DNAH14: variants seen among roughly 807,000 people sequenced by gnomAD.
The protein encoded by DNAH14 is axonemal beta dynein heavy chain 14.
In DNAH14, 478 loss-of-function variants were observed where a neutral mutation model predicts 520.9. The observed-to-expected ratio is 0.92, with a 90% CI of 0.85 to 0.99. The LOEUF is 0.99. DNAH14 is among the 50% of genes least tolerant of loss of function. The pLI is 0.00. For missense variants in DNAH14, 4,831 were observed against 5,234.5 expected (o/e 0.92, Z 2.38); for synonymous variants, 1,581 against 1,757.2 (o/e 0.90, Z 2.51).
At chr1:225,235,728 C>T (rs1022465845) in intron 42 of DNAH14, among the ~76,000 whole-genome samples, 1 of 151,974 alleles carries the variant, frequency 6.6e-6, no homozygotes, top group African/African-American at 2.4e-5. Flanking sequence ...TCATTATTGG[C>T]CTATTCAAGG....
At chr1:225,140,622 C>A in intron 27 of DNAH14, 146 bp from the exon 28 acceptor site, 2 of 639,250 alleles carry the variant, frequency 3.1e-6, no homozygotes, top group Non-Finnish European at 5.0e-6. Flanking sequence ...CAAATACACA[C>A]AAATGTGTAA....
intron 42 of DNAH14, among the ~76,000 whole-genome samples, chr1:225,238,314 T>C (rs980503193): frequency 2.0e-5 from 3 of 152,172 alleles, no homozygotes; most frequent in African/African-American, 4.8e-5. Context: ...TTTTTGTTGA[T>C]GTTATTCTTG....
intron 60 of DNAH14, among the ~76,000 whole-genome samples, chr1:225,312,724 T>C (rs568718992): frequency 6.6e-6 from 1 of 152,342 alleles, no homozygotes; most frequent in Non-Finnish European, 1.5e-5. Context: ...TGTTATTAGT[T>C]CTGTTAATGT....
At position 225,240,679 on chromosome 1, in the gene DNAH14, C is replaced by T; in HGVS notation, c.6605C>T (p.Ala2202Val). The T allele has an allele frequency of 2.6e-6, 4 of 1,550,820 alleles. No individual in the cohort carries two copies. The highest frequency in any genetic ancestry group is 3.5e-6 in the Non-Finnish European group (4 of 1,146,502). ...CTTTTTGTGTTTGCCTTTACTTGGG[C>T]ATTTGGAGGAGCTTTAAACCGTGAA... The part of the protein sequence containing the change: ...QKLFVFAFTW[A>V]FGGALNREDE... The change falls in exon 43 of 86, where the codon GCA becomes GTA. Residue 2202 changes from alanine to valine, a missense_variant. Ala to Val is a moderately conservative substitution (Grantham distance 64). Transcript: ENST00000682510.
At chr1:225,335,262 A>G (rs1199985741) in intron 66 of DNAH14, among the ~76,000 whole-genome samples, 15 of 133,120 alleles carry the variant, frequency 1.1e-4, no homozygotes, top group African/African-American at 3.1e-4. Flanking sequence ...ATATGCACAT[A>G]TACACGTGTA....
intron 50 of DNAH14, 29 bp from the exon 51 acceptor site, chr1:225,271,877 A>G: frequency 1.3e-6 from 2 of 1,526,778 alleles, no homozygotes; most frequent in Non-Finnish European, 8.8e-7. Context: ...AATTTTTGGC[A>G]AGCTAAATTA....
Position 225,079,491 on chromosome 1 carries a change from T to G in DNAH14, c.2709T>G (p.Asp903Glu), listed in dbSNP as rs2072836636. 1.3e-6 allele frequency: 2 copies of G among 1,541,692 alleles called. No homozygotes were observed. Among genetic ancestry groups the G allele is most frequent in the Non-Finnish European group, 1.7e-6 (2 of 1,144,922 alleles). Residue 903 changes from aspartate (D) to glutamate (E), a missense_variant, in exon 18 of 86, where the codon GAT (aspartate) becomes GAG (glutamate). Transcript: ENST00000682510. Reference protein sequence around the residue: ...NKDTAITKFRDNLEACISGLH... With the variant: ...NKDTAITKFRENLEACISGLH... The stretch of plus-strand genomic sequence containing the variant: ...ACACTGCTATAACTAAATTCAGAGA[T>G]AACTTGGAAGCATGTATCAGTGGTC...
At chr1:225,102,945 T>C (rs1049623162) in intron 23 of DNAH14, among the ~76,000 whole-genome samples, 4 of 152,216 alleles carry the variant, frequency 2.6e-5, no homozygotes, top group Non-Finnish European at 4.4e-5. Flanking sequence ...TTTGTTGTTT[T>C]AGACATGAAG....
At chr1:225,380,344 TTTCCCC>T in intron 80 of DNAH14, 22 bp downstream of exon 80, 1 of 1,541,754 alleles carries the variant, frequency 6.5e-7, no homozygotes, top group Non-Finnish European at 8.8e-7. Flanking sequence ...ACAGGAGCTT[TTTCCCC>T]TTACCTCACT....
intron 17 of DNAH14, among the ~76,000 whole-genome samples, chr1:225,057,798 T>C (rs1438243377): frequency 6.6e-6 from 1 of 152,210 alleles, no homozygotes; most frequent in Non-Finnish European, 1.5e-5. Context: ...ATATGGTTTT[T>C]GTCGTTGGTT....
chr1:225,166,680 ATCTG>A (rs1175378493), intron 35 of DNAH14, among the ~76,000 whole-genome samples: 1 of 152,184 alleles, frequency 6.6e-6, no homozygotes. Context: ...GGCAATTGTG[ATCTG>A]TCTGACTTAT....
chr1:225,003,239 A>G (rs1167750551), intron 9 of DNAH14, among the ~76,000 whole-genome samples: 1 of 152,014 alleles, frequency 6.6e-6, no homozygotes, highest in Non-Finnish European at 1.5e-5. Context: ...TTCTTCCTCT[A>G]GTATAGCATG....
chr1:225,323,257 C>T (rs1435053886), intron 62 of DNAH14, among the ~76,000 whole-genome samples: 1 of 152,124 alleles, frequency 6.6e-6, no homozygotes, highest in Non-Finnish European at 1.5e-5. Flanking sequence ...GATGGTATTC[C>T]TAGTCACCTC....
At chr1:225,014,962 T>C (rs1377412156) in intron 10 of DNAH14, among the ~76,000 whole-genome samples, 1 of 152,206 alleles carries the variant, frequency 6.6e-6, no homozygotes, top group Non-Finnish European at 1.5e-5. Context: ...ATTTGCTTTA[T>C]ATATCTGGAT....
intron 12 of DNAH14, among the ~76,000 whole-genome samples, chr1:225,039,275 C>T (rs1356610688): frequency 6.6e-6 from 1 of 152,088 alleles, no homozygotes; most frequent in Non-Finnish European, 1.5e-5. Flanking sequence ...GCATCTACCC[C>T]CTCCTCCCAC....
chr1:225,063,127 A>T (rs2070395588), intron 17 of DNAH14, among the ~76,000 whole-genome samples: 1 of 13,026 alleles, frequency 7.7e-5, no homozygotes, highest in Admixed American at 1.4e-3. Flanking sequence ...AAAGATATTT[A>T]AAAAAAGCAA....
At chr1:224,982,842 A>C (rs1242618911) in intron 8 of DNAH14, among the ~76,000 whole-genome samples, 5 of 152,218 alleles carry the variant, frequency 3.3e-5, no homozygotes. Context: ...AGTTTTCTTA[A>C]ATTTATTGAG....
At position 225,275,974 on chromosome 1, in the gene DNAH14, A is replaced by G. The variant is rs1313317739; in HGVS notation, c.8071A>G (p.Ile2691Val). 1 of 413,154 alleles carries G rather than the reference A, an allele frequency of 2.4e-6. No individual in the cohort carries two copies. The allele number at this position is 413,154 out of a possible 1,614,324, so 25.6% of individuals were successfully genotyped here. A position where few individuals can be genotyped will look rare whatever the true frequency, so the allele number is the denominator to read the frequency against. Residue 2691 changes from isoleucine to valine, a missense_variant, in exon 53 of 86, where the codon ATA (isoleucine) becomes GTA (valine). Physicochemically the swap from Ile to Val is conservative, Grantham distance 29. Coordinates refer to ENST00000682510, the MANE Select transcript of DNAH14 (RefSeq NM_001367479.1). ...HSTVFLDFLDINKTHRKKIYQ... is the reference protein window; with the variant it reads ...HSTVFLDFLDVNKTHRKKIYQ... ...AACTGTATTTTTGGACTTCTTGGATATAAACAAGACTCATAGAAAAAAGAT... is the reference window on the plus strand; with the variant it reads ...AACTGTATTTTTGGACTTCTTGGATGTAAACAAGACTCATAGAAAAAAGAT...
At chr1:225,385,042 G>C (rs1403035786) in intron 81 of DNAH14, among the ~76,000 whole-genome samples, 1 of 152,186 alleles carries the variant, frequency 6.6e-6, no homozygotes, top group Non-Finnish European at 1.5e-5. Context: ...GATCAAGTTG[G>C]CTTCCTCCAT....
Sources: gnomAD v4.1 joint callset for allele counts (sites outside exome capture counted in the v4.1 genomes callset) on GRCh38, gnomAD v4.1.1 for gene constraint, MANE v1.5 for transcripts, NCBI Gene and HGNC (gene_info 2026-07-23, HGNC 2026-07-21) for gene names.